LRRC4C: variants seen among roughly 807,000 people sequenced by gnomAD.
The protein encoded by LRRC4C is leucine rich repeat containing 4C.
LRRC4C carries 5 observed loss-of-function variants against 33.6 expected under a neutral mutation model. The ratio of observed to expected loss-of-function variants is 0.15; its 90% CI spans 0.08 to 0.31. LRRC4C has a LOEUF of 0.31. LRRC4C is among the 10% of genes least tolerant of loss of function. The pLI, the probability that LRRC4C is intolerant of heterozygous loss-of-function variation, is 1.00. For missense variants in LRRC4C, 560 were observed against 796.7 expected (o/e 0.70, Z 3.58); for synonymous variants, 329 against 302.0 (o/e 1.09, Z -0.93).
chr11:41,046,512 T>G (rs144343830), intron 1 of LRRC4C, among the ~76,000 whole-genome samples: 2 of 152,152 alleles, frequency 1.3e-5, no homozygotes, highest in African/African-American at 4.8e-5. Context: ...GACATCACTC[T>G]TGTTAAAAAT....
At chr11:41,256,012 T>A (rs927503433) in intron 1 of LRRC4C, among the ~76,000 whole-genome samples, 8 of 152,068 alleles carry the variant, frequency 5.3e-5, no homozygotes, top group Admixed American at 5.3e-4. Flanking sequence ...TTGGAGTATC[T>A]GTAACAAGAA....
At chr11:40,294,532 A>G (rs1944409513) in intron 4 of LRRC4C, among the ~76,000 whole-genome samples, 1 of 152,124 alleles carries the variant, frequency 6.6e-6, no homozygotes, top group Non-Finnish European at 1.5e-5. Flanking sequence ...GAGGATTAAC[A>G]CAGTACTATT....
At chr11:40,198,131 T>C (rs187612250) in intron 5 of LRRC4C, among the ~76,000 whole-genome samples, 1 of 152,208 alleles carries the variant, frequency 6.6e-6, no homozygotes, top group East Asian at 1.9e-4. Context: ...ATTGATTATA[T>C]AAATGAAGCA....
chr11:41,339,141 T>C (rs772892527), intron 1 of LRRC4C, among the ~76,000 whole-genome samples: 3 of 152,202 alleles, frequency 2.0e-5, no homozygotes, highest in Non-Finnish European at 2.9e-5. Context: ...AGGGAAAGTA[T>C]AGAAACTACT....
chr11:41,087,533 T>C (rs1248890595), intron 1 of LRRC4C, among the ~76,000 whole-genome samples: 1 of 152,128 alleles, frequency 6.6e-6, no homozygotes, highest in Non-Finnish European at 1.5e-5. Flanking sequence ...TTTGCGATAT[T>C]ACCCAGGCTG....
intron 4 of LRRC4C, among the ~76,000 whole-genome samples, chr11:40,297,415 T>G (rs547122795): frequency 6.6e-6 from 1 of 152,332 alleles, no homozygotes; most frequent in Non-Finnish European, 1.5e-5. Context: ...TTTTCAAAAC[T>G]ACTTTGAATT....
intron 1 of LRRC4C, among the ~76,000 whole-genome samples, chr11:41,354,065 A>G (rs1952075087): frequency 6.6e-6 from 1 of 152,170 alleles, no homozygotes; most frequent in Admixed American, 6.5e-5. Flanking sequence ...GCATCAAGAT[A>G]GGAGAAGACT....
chr11:40,242,873 C>G, intron 4 of LRRC4C, among the ~76,000 whole-genome samples: 1 of 151,654 alleles, frequency 6.6e-6, no homozygotes, highest in East Asian at 1.9e-4. Flanking sequence ...ATCAAAGAAG[C>G]AATTCAATAG....
At chr11:40,609,812 CT>C (rs1322261027) in intron 3 of LRRC4C, among the ~76,000 whole-genome samples, 1 of 151,584 alleles carries the variant, frequency 6.6e-6, no homozygotes, top group Non-Finnish European at 1.5e-5. Flanking sequence ...TAATAGATTC[CT>C]AGAAACATAA....
At position 40,779,423 on chromosome 11, in the gene LRRC4C, A is replaced by G. The variant is rs538778040; in HGVS notation, c.-406-131145T>C. On this transcript the variant is annotated intron_variant, in intron 2 of 6. Transcript: ENST00000528697. ...AGTTTTTCTGCATTTCACTTGCATA[A>G]CTTACATAATATATTGATTAATTGA... Among the ~76,000 whole-genome samples, 27 of 152,280 alleles carry G rather than the reference A, an allele frequency of 1.8e-4. No individual in the cohort carries two copies. In the Middle Eastern group the frequency reaches 0.014, roughly 77 times the overall value.
At chr11:41,234,329 A>G (rs867272936) in intron 1 of LRRC4C, among the ~76,000 whole-genome samples, 2 of 152,124 alleles carry the variant, frequency 1.3e-5, no homozygotes, top group Admixed American at 6.6e-5. Context: ...GCTAATTAAC[A>G]TATTACATTA....
chr11:40,199,153 C>T (rs1464286825), intron 5 of LRRC4C, among the ~76,000 whole-genome samples: 4 of 152,182 alleles, frequency 2.6e-5, no homozygotes, highest in Admixed American at 6.5e-5. Flanking sequence ...TGACAGCAAC[C>T]TCTGCCTTCT....
chr11:40,227,925 A>T (rs752921395), intron 5 of LRRC4C, among the ~76,000 whole-genome samples: 9 of 152,226 alleles, frequency 5.9e-5, no homozygotes, highest in Non-Finnish European at 1.2e-4. Flanking sequence ...ATGATGAGTC[A>T]TATGTTAACC....
At chr11:40,524,995 A>G (rs1198357081) in intron 3 of LRRC4C, among the ~76,000 whole-genome samples, 1 of 152,158 alleles carries the variant, frequency 6.6e-6, no homozygotes, top group Non-Finnish European at 1.5e-5. Context: ...TTTAGCTTAG[A>G]TATAAAGAAT....
chr11:40,666,845 C>A (rs1187103697), intron 2 of LRRC4C, among the ~76,000 whole-genome samples: 1 of 152,092 alleles, frequency 6.6e-6, no homozygotes, highest in Non-Finnish European at 1.5e-5. Context: ...GCTATCCTAG[C>A]CAGTGGTCAG....
chr11:40,650,926 C>A (rs1332243034), intron 2 of LRRC4C, among the ~76,000 whole-genome samples: 2 of 152,152 alleles, frequency 1.3e-5, no homozygotes, highest in Non-Finnish European at 2.9e-5. Context: ...CATTAAACTT[C>A]TCTCATTTGA....
chr11:40,750,571 G>A (rs1225346968), intron 2 of LRRC4C, among the ~76,000 whole-genome samples: 1 of 147,250 alleles, frequency 6.8e-6, no homozygotes, highest in African/African-American at 2.5e-5. Context: ...ACCAAATACC[G>A]CATGTTCTCA....
At chr11:40,347,525 T>TTA (rs1377430661) in intron 3 of LRRC4C, among the ~76,000 whole-genome samples, 7 of 152,242 alleles carry the variant, frequency 4.6e-5, no homozygotes, top group Non-Finnish European at 1.0e-4. Context: ...TATGGCATTG[T>TTA]GCCTTCCTTA....
At chr11:40,134,411 T>C (rs1856838439) in intron 6 of LRRC4C, among the ~76,000 whole-genome samples, 2 of 152,192 alleles carry the variant, frequency 1.3e-5, no homozygotes, top group South Asian at 4.1e-4. Context: ...CATGGATAGA[T>C]TGTAGGGACT....
Sources: allele counts gnomAD v4.1 joint callset (sites outside exome capture counted in the v4.1 genomes callset), GRCh38; gene constraint gnomAD v4.1.1; transcripts MANE v1.5; gene names NCBI Gene and HGNC (gene_info 2026-07-23, HGNC 2026-07-21).